MOXD1: variants seen among roughly 807,000 people sequenced by gnomAD.
The protein encoded by MOXD1 is DBH-like monooxygenase protein 1.
A neutral mutation model predicts 66.6 loss-of-function variants in MOXD1; 62 were observed. The ratio of observed to expected loss-of-function variants is 0.93; its 90% confidence interval spans 0.76 to 1.15. The LOEUF is 1.15. Among genes scored for constraint, MOXD1 ranks in the 50% most tolerant of loss-of-function variants. The pLI, the probability that MOXD1 is intolerant of heterozygous loss-of-function variation, is 0.00. For synonymous variants in MOXD1, 303 were observed against 281.9 expected (o/e 1.07, Z -0.75); for missense variants, 847 against 754.6 (o/e 1.12, Z -1.44).
chr6:132,387,369 G>T (rs1026699432), intron 1 of MOXD1, among the ~76,000 whole-genome samples: 1 of 151,222 alleles, frequency 6.6e-6, no homozygotes, highest in Non-Finnish European at 1.5e-5. Flanking sequence ...TATTCCCAAT[G>T]AATTTTTAAC....
At chr6:132,350,840 C>G (rs937487198) in intron 4 of MOXD1, among the ~76,000 whole-genome samples, 1 of 151,764 alleles carries the variant, frequency 6.6e-6, no homozygotes, top group Non-Finnish European at 1.5e-5. Flanking sequence ...GGTCCTTGGC[C>G]TCTTTGGTTA....
At chr6:132,311,193 A>G (rs775770011) in intron 10 of MOXD1, among the ~76,000 whole-genome samples, 14 of 152,112 alleles carry the variant, frequency 9.2e-5, no homozygotes, top group Admixed American at 9.2e-4. Flanking sequence ...GAAATTCCCA[A>G]ATTGAAAGAA....
chr6:132,388,648 G>A lies in MOXD1; in HGVS notation c.264+12515C>T, dbSNP rs182557023. Among the ~76,000 whole-genome samples, 108 of 151,350 alleles carry A rather than the reference G, an allele frequency of 7.1e-4. 3 individuals carry two copies. The highest frequency in any genetic ancestry group is 3.0e-3 in the South Asian group (14 of 4,688). On this transcript the variant is annotated intron_variant, in intron 1 of 11. Transcript: ENST00000367963. ...GAATGGAGAGGAAAGGGAAGGGAAG[G>A]GATATCTATTTACATAACTGGAAAG... is the stretch of plus-strand genomic sequence containing the variant.
chr6:132,340,013 G>A (rs981329110), intron 4 of MOXD1, among the ~76,000 whole-genome samples: 1 of 152,136 alleles, frequency 6.6e-6, no homozygotes, highest in Admixed American at 6.5e-5. Flanking sequence ...GGGATTACAG[G>A]CATGCACCAC....
rs1192082585 is a variant in MOXD1, at chr6:132,376,797, G to A, written c.265-2020C>T. ...CAAAGTGCTGGGATTACAGGCGTGA[G>A]CCACCGCGCCCGGCCAACTACAGCT... On this transcript the variant is annotated intron_variant, in intron 1 of 11. Transcript: ENST00000367963. 3.3e-5 allele frequency among the ~76,000 whole-genome samples: 2 copies of A among 60,762 alleles called. 1 individual carries two copies. The highest frequency in any genetic ancestry group is 4.8e-5 in the Non-Finnish European group (2 of 41,410). The allele number at this position is 60,762 out of a possible 152,430, so 39.9% of individuals were successfully genotyped here. A position where few individuals can be genotyped will look rare whatever the true frequency, so the allele number is the denominator to read the frequency against.
In MOXD1 at chr6:132,297,260, A is replaced by G. The variant is rs758817397; in HGVS notation, c.1735T>C (p.Leu579=). ...DIERPYKAEP[L]VCGTSSSSSL... ...GAGGAAGAAGACGTGCCACACACCA[A>G]AGGTTCTGCTTTATAGGGTCTTTCT... Residue 579 remains leucine (L), a synonymous_variant, in exon 12 of 12, where the codon TTG becomes CTG. Coordinates refer to ENST00000367963, the MANE Select transcript of MOXD1 (RefSeq NM_015529.4). 1.9e-6 allele frequency: 3 copies of G among 1,613,502 alleles called. No individual in the cohort carries two copies. The highest frequency in any genetic ancestry group is 3.3e-5 in the Admixed American group (2 of 59,934).
At chr6:132,347,606 G>A (rs1014770590) in intron 4 of MOXD1, among the ~76,000 whole-genome samples, 2 of 152,066 alleles carry the variant, frequency 1.3e-5, no homozygotes, top group Admixed American at 1.3e-4. Context: ...GAACTCCGAA[G>A]GTGGAGGTTG....
At chr6:132,347,993 G>T (rs1220465126) in intron 4 of MOXD1, among the ~76,000 whole-genome samples, 1 of 151,896 alleles carries the variant, frequency 6.6e-6, no homozygotes, top group Non-Finnish European at 1.5e-5. Flanking sequence ...CTAAACTCAG[G>T]CTATGGCTGC....
intron 9 of MOXD1, among the ~76,000 whole-genome samples, chr6:132,317,501 T>G (rs1215702565): frequency 6.6e-6 from 1 of 152,104 alleles, no homozygotes; most frequent in Non-Finnish European, 1.5e-5. Flanking sequence ...GCTCTCCTAC[T>G]GTAGGGAGTA....
intron 10 of MOXD1, among the ~76,000 whole-genome samples, chr6:132,298,447 T>C (rs1774458953): frequency 6.6e-6 from 1 of 152,188 alleles, no homozygotes; most frequent in African/African-American, 2.4e-5. Context: ...ACAATGCTAA[T>C]GGTGTAATCA....
intron 4 of MOXD1, among the ~76,000 whole-genome samples, chr6:132,348,482 GT>G (rs1239771440): frequency 1.3e-5 from 2 of 152,030 alleles, no homozygotes; most frequent in Non-Finnish European, 2.9e-5. Context: ...AGTCTGATTT[GT>G]TTTTTTCCCT....
At position 132,297,093 on chromosome 6, in the gene MOXD1, T is replaced by C; in HGVS notation, c.*60A>G. ...CCCAAAGTGGACACAGTCTTTAACC[T>C]GTACTTCAAATGACAGGTTCAGATC... On this transcript the variant is annotated 3_prime_UTR_variant, in exon 12 of 12. Coordinates refer to ENST00000367963, the MANE Select transcript of MOXD1 (RefSeq NM_015529.4). 6.4e-7 allele frequency: 1 copy of C among 1,559,448 alleles called. No individual in the cohort carries two copies. The highest frequency in any genetic ancestry group is 8.8e-7 in the Non-Finnish European group (1 of 1,141,008).
chr6:132,305,854 C>T (rs1562277102), intron 10 of MOXD1, among the ~76,000 whole-genome samples: 2 of 152,252 alleles, frequency 1.3e-5, no homozygotes, highest in South Asian at 4.2e-4. Flanking sequence ...AAACCCCATC[C>T]AAGGGTCAGC....
At chr6:132,398,103 G>T (rs1417705750) in intron 1 of MOXD1, among the ~76,000 whole-genome samples, 1 of 151,998 alleles carries the variant, frequency 6.6e-6, no homozygotes, top group Non-Finnish European at 1.5e-5. Context: ...CCACATCCTT[G>T]TGTACACATT....
At chr6:132,358,962 A>G (rs1176323706) in intron 4 of MOXD1, among the ~76,000 whole-genome samples, 1 of 152,188 alleles carries the variant, frequency 6.6e-6, no homozygotes, top group Non-Finnish European at 1.5e-5. Flanking sequence ...CATATATCAC[A>G]TACATTTAAA....
At chr6:132,326,018 T>C (rs1194003658) in intron 6 of MOXD1, among the ~76,000 whole-genome samples, 1 of 152,244 alleles carries the variant, frequency 6.6e-6, no homozygotes, top group Non-Finnish European at 1.5e-5. Context: ...TTGTATTTTA[T>C]ATTTTTGGCA....
chr6:132,369,774 A>G (rs555571957), intron 4 of MOXD1, among the ~76,000 whole-genome samples: 5 of 152,212 alleles, frequency 3.3e-5, no homozygotes, highest in African/African-American at 1.2e-4. Flanking sequence ...GAAGCAGGAC[A>G]GTGCAAGATT....
intron 1 of MOXD1, among the ~76,000 whole-genome samples, chr6:132,394,920 T>C (rs900560594): frequency 4.1e-4 from 62 of 152,250 alleles, no homozygotes; most frequent in African/African-American, 1.5e-3. Flanking sequence ...TCCCAAGTCT[T>C]GCAAAAAACT....
chr6:132,297,019 A>G lies in MOXD1; in HGVS notation c.*134T>C. 4.9e-6 allele frequency: 4 copies of G among 817,438 alleles called. No individual in the cohort carries two copies. Among genetic ancestry groups the G allele is most frequent in the Non-Finnish European group, 7.5e-6 (4 of 532,382 alleles). 50.6% of individuals were successfully genotyped at this position (817,438 alleles called of 1,614,324 possible). ...ATGTCTCTCATGTAACATGGAAAGGAAAAAGGAGGGAGGGAAAATGGGGAA... is the reference window on the plus strand; with the variant it reads ...ATGTCTCTCATGTAACATGGAAAGGGAAAAGGAGGGAGGGAAAATGGGGAA... On this transcript the variant is annotated 3_prime_UTR_variant, in exon 12 of 12. Coordinates refer to ENST00000367963, the MANE Select transcript of MOXD1 (RefSeq NM_015529.4).
Sources: allele counts gnomAD v4.1 joint callset (sites outside exome capture counted in the v4.1 genomes callset), GRCh38; gene constraint gnomAD v4.1.1; transcripts MANE v1.5; gene names NCBI Gene and HGNC (gene_info 2026-07-23, HGNC 2026-07-21).